BARD1: variants seen among roughly 807,000 people sequenced by gnomAD.
BARD1 encodes the protein BRCA1 associated RING domain 1, also known as BRCA1-associated RING domain protein 1.
Under a neutral mutation model 77.0 loss-of-function variants are expected in BARD1, and 73 were observed. The ratio of observed to expected loss-of-function variants is 0.95; its 90% CI spans 0.79 to 1.15. The LOEUF is 1.15. Among genes scored for constraint, BARD1 ranks in the 50% most tolerant of loss-of-function variants. The pLI is 0.00. For synonymous variants in BARD1, 384 were observed against 338.0 expected, an observed-to-expected ratio of 1.14 and a Z score of -1.49; for missense variants, 993 against 938.8, an observed-to-expected ratio of 1.06 and a Z score of -0.75.
At chr2:214,764,617 G>T (rs1694111628) in intron 6 of BARD1, among the ~76,000 whole-genome samples, 1 of 152,152 alleles carries the variant, frequency 6.6e-6, no homozygotes, top group Non-Finnish European at 1.5e-5. Flanking sequence ...AGACCATCCA[G>T]GGTCTTATAA....
At chr2:214,756,747 T>A (rs12614681) in intron 6 of BARD1, among the ~76,000 whole-genome samples, 50,775 of 152,016 alleles carry the variant, frequency 0.33, 8,642 homozygotes, top group South Asian at 0.4. Context: ...AAACATTGTA[T>A]GTTCTCATTC....
Position 214,728,642 on chromosome 2 carries a change from A to G in BARD1, c.*34T>C. 1 of 1,609,364 alleles carries G rather than the reference A, an allele frequency of 6.2e-7. No individual in the cohort carries two copies. On this transcript the variant is annotated 3_prime_UTR_variant, in exon 11 of 11. Transcript: ENST00000260947. Reference sequence around the variant, plus strand: ...ATGACTGGGCTCTCACAAACCGTGCAAATTCAATTTGAAATGTTCATCTGG... The same window carrying G: ...ATGACTGGGCTCTCACAAACCGTGCGAATTCAATTTGAAATGTTCATCTGG...
chr2:214,765,508 C>A (rs80010719), intron 6 of BARD1, among the ~76,000 whole-genome samples: 10,494 of 152,264 alleles, frequency 0.069, 413 homozygotes, highest in African/African-American at 0.1. Flanking sequence ...TGAAGCTATA[C>A]AGTCAGTAAT....
chr2:214,788,681 G>A (rs1265863881), intron 3 of BARD1, among the ~76,000 whole-genome samples: 6 of 152,012 alleles, frequency 3.9e-5, no homozygotes, highest in Non-Finnish European at 5.9e-5. Context: ...CCATTTAACA[G>A]AATCATACAA....
At chr2:214,790,739 A>G (rs1490763318) in intron 3 of BARD1, among the ~76,000 whole-genome samples, 28 of 152,192 alleles carry the variant, frequency 1.8e-4, no homozygotes, top group Admixed American at 1.8e-3. Flanking sequence ...TTCAGTGCAA[A>G]GCCAATAATC....
At chr2:214,799,696 T>C (rs1401264277) in intron 1 of BARD1, among the ~76,000 whole-genome samples, 1 of 152,168 alleles carries the variant, frequency 6.6e-6, no homozygotes, top group African/African-American at 2.4e-5. Context: ...ACAGGTAATC[T>C]CTCCTTTGAC....
intron 3 of BARD1, among the ~76,000 whole-genome samples, chr2:214,787,154 C>T (rs893730025): frequency 2.0e-5 from 3 of 151,518 alleles, no homozygotes; most frequent in Non-Finnish European, 3.0e-5. Flanking sequence ...TTTTGAAAAA[C>T]TTTAAAAATG....
chr2:214,802,096 T>C (rs1440463416), intron 1 of BARD1, among the ~76,000 whole-genome samples: 4 of 152,184 alleles, frequency 2.6e-5, no homozygotes, highest in Non-Finnish European at 5.9e-5. Flanking sequence ...AGATGATCCC[T>C]GACTCACAAT....
At chr2:214,767,730 T>C (rs1694283702) in intron 5 of BARD1, 76 bp from the exon 6 acceptor site, 2 of 1,358,720 alleles carry the variant, frequency 1.5e-6, no homozygotes, top group East Asian at 2.4e-5. Flanking sequence ...TATCACACTT[T>C]AGAAAAATAA....
At chr2:214,761,788 G>A (rs755342562) in intron 6 of BARD1, among the ~76,000 whole-genome samples, 10 of 152,166 alleles carry the variant, frequency 6.6e-5, no homozygotes, top group Non-Finnish European at 1.5e-4. Context: ...ATGGATATTA[G>A]TATTGACTAT....
chr2:214,729,320 T>C (rs889674884), intron 10 of BARD1, among the ~76,000 whole-genome samples: 4 of 152,242 alleles, frequency 2.6e-5, no homozygotes, highest in African/African-American at 9.6e-5. Flanking sequence ...GACTGTGTTC[T>C]GACCGTGACC....
At chr2:214,734,072 G>A (rs920777245) in intron 9 of BARD1, among the ~76,000 whole-genome samples, 11 of 152,080 alleles carry the variant, frequency 7.2e-5, no homozygotes, top group African/African-American at 2.7e-4. Context: ...TTTATATTTT[G>A]CATGTATTTC....
intron 9 of BARD1, among the ~76,000 whole-genome samples, chr2:214,735,765 T>C (rs1274015036): frequency 6.6e-6 from 1 of 152,070 alleles, no homozygotes; most frequent in Admixed American, 6.6e-5. Flanking sequence ...TTAAATTGAG[T>C]GTTCTAAGAT....
chr2:214,750,720 C>A (rs1175201524), intron 7 of BARD1, among the ~76,000 whole-genome samples: 3 of 152,086 alleles, frequency 2.0e-5, no homozygotes. Context: ...GGGAAGTCCA[C>A]GGAAAGGCTT....
At chr2:214,789,914 T>C (rs1210678233) in intron 3 of BARD1, among the ~76,000 whole-genome samples, 2 of 152,060 alleles carry the variant, frequency 1.3e-5, no homozygotes, top group Non-Finnish European at 2.9e-5. Context: ...AAAACAAACA[T>C]AAAATGGCCT....
At chr2:214,740,592 C>CA (rs1382357137) in intron 9 of BARD1, among the ~76,000 whole-genome samples, 1 of 151,852 alleles carries the variant, frequency 6.6e-6, no homozygotes, top group East Asian at 1.9e-4. Flanking sequence ...AAAATTTAAA[C>CA]AATTCTATTT....
At chr2:214,797,776 T>C (rs1171356528) in intron 1 of BARD1, among the ~76,000 whole-genome samples, 6 of 152,244 alleles carry the variant, frequency 3.9e-5, no homozygotes, top group Admixed American at 6.5e-5. Flanking sequence ...AGAAAGTTAA[T>C]TGTTCTTTAA....
intron 8 of BARD1, 23 bp downstream of exon 8, chr2:214,745,699 C>G (rs1368971953): frequency 6.2e-7 from 1 of 1,613,670 alleles, no homozygotes; most frequent in East Asian, 2.2e-5. Flanking sequence ...TCTACCCCAC[C>G]TCCCAAAATT....
At chr2:214,741,827 C>G (rs888319040) in intron 9 of BARD1, among the ~76,000 whole-genome samples, 2 of 152,106 alleles carry the variant, frequency 1.3e-5, no homozygotes, top group Non-Finnish European at 2.9e-5. Flanking sequence ...TCTGTATAAA[C>G]AATGTAGGAA....
Sources: allele counts gnomAD v4.1 joint callset (sites outside exome capture counted in the v4.1 genomes callset), GRCh38; gene constraint gnomAD v4.1.1; transcripts MANE v1.5; gene names NCBI Gene and HGNC (gene_info 2026-07-23, HGNC 2026-07-21).